The following CTIF variants were observed in gnomAD, a reference collection of about 807,000 sequenced individuals.
CTIF encodes cap binding complex dependent translation initiation factor.
In CTIF, 21 loss-of-function variants were observed where a neutral mutation model predicts 66.0. That is an observed-to-expected ratio of 0.32 (90% confidence interval 0.23 to 0.46). CTIF has a LOEUF of 0.46. CTIF is among the 20% of genes least tolerant of loss of function. The probability of loss-of-function intolerance (pLI) is 1.00; values close to 1 mark genes in which losing one functional copy is unlikely to be tolerated. For missense variants in CTIF, 739 were observed against 812.7 expected (o/e 0.91, Z 1.10); for synonymous variants, 345 against 326.4 (o/e 1.06, Z -0.62).
At chr18:48,767,940 T>C (rs1315230493) in intron 9 of CTIF, among the ~76,000 whole-genome samples, 1 of 152,086 alleles carries the variant, frequency 6.6e-6, no homozygotes, top group African/African-American at 2.4e-5. Flanking sequence ...GCTTTCCTTA[T>C]CAGTGAATCT....
intron 1 of CTIF, among the ~76,000 whole-genome samples, chr18:48,609,787 G>A (rs1021792578): frequency 6.6e-6 from 1 of 152,228 alleles, no homozygotes; most frequent in Non-Finnish European, 1.5e-5. Context: ...CCTCTAGGGT[G>A]TATACAGCAG....
intron 7 of CTIF, among the ~76,000 whole-genome samples, chr18:48,735,646 C>G (rs868584548): frequency 6.6e-6 from 1 of 152,076 alleles, no homozygotes; most frequent in Non-Finnish European, 1.5e-5. Context: ...TCCAGTGGAG[C>G]CTTGGATTTT....
At chr18:48,562,587 A>T (rs2089188215) in intron 1 of CTIF, among the ~76,000 whole-genome samples, 3 of 152,138 alleles carry the variant, frequency 2.0e-5, no homozygotes, top group Admixed American at 2.0e-4. Flanking sequence ...CTGGCAAATT[A>T]GGCTTCTAAG....
intron 7 of CTIF, among the ~76,000 whole-genome samples, chr18:48,738,539 C>CA (rs1329631183): frequency 1.3e-5 from 2 of 151,982 alleles, no homozygotes; most frequent in East Asian, 1.9e-4. Context: ...GGCTGTTCCC[C>CA]CTCCCCGGAT....
rs533600034 is a variant in CTIF, at chr18:48,557,487, C to T, written c.-29+18175C>T. On this transcript the variant is annotated intron_variant, in intron 1 of 11. Coordinates refer to ENST00000256413, the MANE Select transcript of CTIF (RefSeq NM_014772.3). ...TGGCAGCTTTGGCCACATCCACTGC[C>T]GTGGAGAGACCTGTCCTGGGGAGAC... 7.2e-5 allele frequency among the ~76,000 whole-genome samples: 11 copies of T among 152,292 alleles called. No individual in the cohort carries two copies. In the South Asian group the frequency reaches 1.5e-3, roughly 20 times the overall value.
intron 10 of CTIF, among the ~76,000 whole-genome samples, chr18:48,823,222 CA>C (rs879628619): frequency 7.6e-4 from 107 of 140,446 alleles, no homozygotes; most frequent in South Asian, 9.0e-4. Context: ...GAGTCATATC[CA>C]AAAAAAAAAA....
At chr18:48,758,470 G>A (rs746531464) in intron 8 of CTIF, 65 bp downstream of exon 8, 14 of 1,528,674 alleles carry the variant, frequency 9.2e-6, no homozygotes, top group South Asian at 7.6e-5. Context: ...TAGGCACTTT[G>A]GTAGGTGGGC....
At chr18:48,733,384 C>T (rs983266699) in intron 7 of CTIF, among the ~76,000 whole-genome samples, 1 of 152,190 alleles carries the variant, frequency 6.6e-6, no homozygotes, top group East Asian at 1.9e-4. Context: ...CAGATCCAGC[C>T]GCAGCCTGAG....
In CTIF at chr18:48,761,497, C is replaced by T. The variant is rs1908985692; in HGVS notation, c.1179C>T (p.Leu393=). 6.2e-6 allele frequency: 10 copies of T among 1,614,198 alleles called. No homozygotes were observed. The highest frequency in any genetic ancestry group is 8.5e-6 in the Non-Finnish European group (10 of 1,180,030). Residue 393 remains leucine (L), a synonymous_variant, in exon 9 of 12, where the codon CTC becomes CTT. Transcript: ENST00000256413. The surrounding 1 kb of genome is among the most constrained non-coding windows in gnomAD (Gnocchi z 4.2). ...ACAGCAGCGACGTGGACACCAAGCTCACCACCTTCATGGAGGAGGCCCAGA... is the reference window on the plus strand; with the variant it reads ...ACAGCAGCGACGTGGACACCAAGCTTACCACCTTCATGGAGGAGGCCCAGA... The part of the protein sequence containing the change: ...RNNSSDVDTK[L]TTFMEEAQNS...
At chr18:48,756,660 G>A (rs1178974009) in intron 7 of CTIF, among the ~76,000 whole-genome samples, 1 of 152,172 alleles carries the variant, frequency 6.6e-6, no homozygotes, top group East Asian at 1.9e-4. Context: ...TAAAGTTGTG[G>A]CATGGAAAAC....
intron 5 of CTIF, among the ~76,000 whole-genome samples, chr18:48,664,866 G>A (rs1459048493): frequency 1.3e-5 from 2 of 151,792 alleles, no homozygotes; most frequent in East Asian, 3.9e-4. Flanking sequence ...CCACCCCAGA[G>A]TCTGTGATTC....
At chr18:48,856,637 T>C (rs1431253484) in intron 10 of CTIF, among the ~76,000 whole-genome samples, 2 of 152,210 alleles carry the variant, frequency 1.3e-5, no homozygotes, top group Non-Finnish European at 2.9e-5. Context: ...AAACATTAAG[T>C]GAAAGAAGTC....
intron 7 of CTIF, among the ~76,000 whole-genome samples, chr18:48,715,624 C>T (rs1167061842): frequency 1.4e-4 from 21 of 152,266 alleles, no homozygotes; most frequent in African/African-American, 2.4e-5. Context: ...TGAGGTCCCT[C>T]ACCGCTGGGG....
At chr18:48,663,396 C>T (rs1463913584) in intron 3 of CTIF, among the ~76,000 whole-genome samples, 1 of 152,102 alleles carries the variant, frequency 6.6e-6, no homozygotes, top group African/African-American at 2.4e-5. Context: ...CCTGGCTCTG[C>T]AGAGCCCCTC....
chr18:48,823,981 C>CACAT (rs2146382972), intron 10 of CTIF, among the ~76,000 whole-genome samples: 1 of 83,524 alleles, frequency 1.2e-5, no homozygotes, highest in African/African-American at 8.2e-5. Flanking sequence ...AGACTCCACA[C>CACAT]ACACACACAC....
rs566975325 is a variant in CTIF at position 48,750,238 on chromosome 18, A to C, written c.585-7681A>C. Among the ~76,000 whole-genome samples, 46 of 152,286 alleles carry C rather than the reference A, an allele frequency of 3.0e-4. No individual in the cohort carries two copies. The South Asian group carries it at 3.7e-3, about 12-fold the overall frequency. ...TGGTCTCCCCATTCTGCAGGTGGGC[A>C]TACTGAGCCACGGGGAGTTGAGTGG... On this transcript the variant is annotated intron_variant, in intron 7 of 11. Transcript: ENST00000256413.
intron 1 of CTIF, among the ~76,000 whole-genome samples, chr18:48,546,065 T>C (rs981392036): frequency 3.3e-5 from 5 of 151,990 alleles, no homozygotes; most frequent in African/African-American, 1.2e-4. Flanking sequence ...GTGTACAGAG[T>C]GGGGAAGCCC....
rs376819694 is a variant in CTIF at position 48,674,106 on chromosome 18, TAACTC to T, written c.507+3364_507+3368del. Among the ~76,000 whole-genome samples, 89 of 152,380 alleles carry T rather than the reference TAACTC, an allele frequency of 5.8e-4. No individual in the cohort carries two copies. The South Asian group carries it at 9.3e-3, about 16-fold the overall frequency. On this transcript the variant is annotated intron_variant, in intron 6 of 11. Transcript: ENST00000256413. ...TTCCTCTTTCCTTCACTTGCTCACT[TAACTC>T]ATCTTCATGGACAAGTGCTCTGCCC...
At chr18:48,842,501 C>T (rs1048820659) in intron 10 of CTIF, among the ~76,000 whole-genome samples, 7 of 152,180 alleles carry the variant, frequency 4.6e-5, no homozygotes, top group Admixed American at 2.0e-4. Context: ...GAAGGGAGAG[C>T]CCTGGCCTCA....
Sources: allele counts gnomAD v4.1 joint callset (sites outside exome capture counted in the v4.1 genomes callset), GRCh38; gene constraint gnomAD v4.1.1; non-coding constraint Gnocchi (gnomAD v3.1); transcripts MANE v1.5; gene names NCBI Gene and HGNC (gene_info 2026-07-23, HGNC 2026-07-21).